The following SLC25A31 variants were observed in gnomAD, a reference collection of about 807,000 sequenced individuals.
SLC25A31 encodes the protein ADP/ATP translocase 4.
In SLC25A31, 40 loss-of-function variants were observed where a neutral mutation model predicts 36.2. The ratio of observed to expected loss-of-function variants is 1.10; its 90% CI spans 0.86 to 1.44. SLC25A31 has a LOEUF of 1.44. SLC25A31 is among the 40% of genes most tolerant of loss of function. SLC25A31 has a pLI of 0.00. For synonymous variants in SLC25A31, 143 were observed against 149.7 expected, an observed-to-expected ratio of 0.96 and a Z score of 0.32; for missense variants, 350 against 397.1, an observed-to-expected ratio of 0.88 and a Z score of 1.01.
chr4:127,737,768 A>G (rs1202513400), intron 1 of SLC25A31, among the ~76,000 whole-genome samples: 3 of 152,052 alleles, frequency 2.0e-5, no homozygotes, highest in African/African-American at 2.4e-5. Context: ...TGTGTTACCC[A>G]GGCTGGTCTC....
chr4:127,730,590 T>G lies in SLC25A31; in HGVS notation c.45T>G (p.Phe15Leu), dbSNP rs140983629. ...AAAAGAAGGCAGAAAAGCGGCTGTT[T>G]GACGCCTCATCCTTCGGGAAGGACC... ...PAKKKAEKRL[F>L]DASSFGKDLL... is the part of the protein sequence containing the mutation. The change falls in exon 1 of 6, where the codon TTT (phenylalanine) becomes TTG (leucine). Residue 15 changes from phenylalanine (F) to leucine (L), a missense_variant. Physicochemically the swap from Phe to Leu is conservative, Grantham distance 22 (BLOSUM62 0). Transcript: ENST00000281154. 11 of 1,613,954 alleles carry G rather than the reference T, an allele frequency of 6.8e-6. No individual in the cohort carries two copies. In the African/African-American group the frequency reaches 1.3e-4, roughly 20 times the overall value.
rs1440340479 is a variant in SLC25A31 at position 127,735,873 on chromosome 4, T to TTATTA, written c.232+5097_232+5098insATTAT. Among the ~76,000 whole-genome samples, 29 of 73,772 alleles carry TTATTA rather than the reference T, an allele frequency of 3.9e-4. 1 individual carries two copies. The East Asian group carries it at 7.2e-3, about 18-fold the overall frequency. The allele number at this position is 73,772 out of a possible 152,430, so 48.4% of individuals were successfully genotyped here. ...ACATGCCTAACATTCTTTTATTTTATTTATTTATTTATTTATTTATTTATT... is the reference window on the plus strand; with the variant it reads ...ACATGCCTAACATTCTTTTATTTTATTATTATTATTTATTTATTTATTTATTTATT... On this transcript the variant is annotated intron_variant, in intron 1 of 5. Coordinates refer to ENST00000281154, the MANE Select transcript of SLC25A31 (RefSeq NM_031291.4).
intron 1 of SLC25A31, among the ~76,000 whole-genome samples, chr4:127,736,916 T>A (rs1329778075): frequency 6.6e-6 from 1 of 152,234 alleles, no homozygotes; most frequent in Non-Finnish European, 1.5e-5. Flanking sequence ...TTGTAATCTA[T>A]CCAAGGGAAC....
At chr4:127,732,708 A>G (rs1393574123) in intron 1 of SLC25A31, among the ~76,000 whole-genome samples, 1 of 152,224 alleles carries the variant, frequency 6.6e-6, no homozygotes, top group Non-Finnish European at 1.5e-5. Context: ...TTAAGTTCCA[A>G]GATGAGAGGA....
In SLC25A31 at chr4:127,745,217, A is replaced by T. The variant is rs144709538; in HGVS notation, c.360+418A>T. ...CTTCTTTGAGAATAAAGATATATTT[A>T]GCTGAGATTAAAGTGTATAGGAAGT... On this transcript the variant is annotated intron_variant, in intron 2 of 5. Transcript: ENST00000281154. Among the ~76,000 whole-genome samples the T allele has an allele frequency of 1.1e-3, 173 of 152,262 alleles. No homozygotes were observed. In the East Asian group the frequency reaches 0.031, roughly 28 times the overall value.
intron 2 of SLC25A31, among the ~76,000 whole-genome samples, chr4:127,748,892 CA>C (rs1731871070): frequency 6.6e-6 from 1 of 152,056 alleles, no homozygotes; most frequent in Non-Finnish European, 1.5e-5. Flanking sequence ...AGGGCATCAC[CA>C]AAGGAAACTA....
intron 1 of SLC25A31, among the ~76,000 whole-genome samples, chr4:127,733,187 CAGA>C (rs1158471971): frequency 6.6e-6 from 1 of 152,150 alleles, no homozygotes; most frequent in Non-Finnish European, 1.5e-5. Flanking sequence ...TTCTTCTGTT[CAGA>C]AGTTTACTAA....
chr4:127,747,876 G>A lies in SLC25A31; in HGVS notation c.360+3077G>A, dbSNP rs145330192. Among the ~76,000 whole-genome samples the A allele has an allele frequency of 3.5e-3, 526 of 152,248 alleles. 3 individuals carry two copies. Among genetic ancestry groups the A allele is most frequent in the African/African-American group, 0.012 (489 of 41,544 alleles). Reference sequence around the variant, plus strand: ...TTATACTGTGGTTTATTAAAGCAAAGGTACTCCAATTAAAATCAAAGGAAA... The same window carrying A: ...TTATACTGTGGTTTATTAAAGCAAAAGTACTCCAATTAAAATCAAAGGAAA... On this transcript the variant is annotated intron_variant, in intron 2 of 5. Coordinates refer to ENST00000281154, the MANE Select transcript of SLC25A31 (RefSeq NM_031291.4).
chr4:127,730,575 A>C lies in SLC25A31; in HGVS notation c.30A>C (p.Ala10=). 2 of 1,614,026 alleles carry C rather than the reference A, an allele frequency of 1.2e-6. No individual in the cohort carries two copies. The highest frequency in any genetic ancestry group is 1.7e-6 in the Non-Finnish European group (2 of 1,179,858). The part of the protein sequence containing the change: MHREPAKKK[A]EKRLFDASSF... ...ATCGTGAGCCTGCGAAAAAGAAGGC[A>C]GAAAAGCGGCTGTTTGACGCCTCAT... The change falls in exon 1 of 6, where the codon GCA becomes GCC. Residue 10 remains alanine, a synonymous_variant. Coordinates refer to ENST00000281154, the MANE Select transcript of SLC25A31 (RefSeq NM_031291.4).
At chr4:127,757,792 A>T (rs2148761071) in intron 2 of SLC25A31, among the ~76,000 whole-genome samples, 1 of 152,186 alleles carries the variant, frequency 6.6e-6, no homozygotes, top group African/African-American at 2.4e-5. Flanking sequence ...GACATATATC[A>T]TTTTATGACC....
At chr4:127,739,207 A>C (rs1258741553) in intron 1 of SLC25A31, among the ~76,000 whole-genome samples, 1 of 152,106 alleles carries the variant, frequency 6.6e-6, no homozygotes, top group Non-Finnish European at 1.5e-5. Flanking sequence ...GGCTATGTTA[A>C]CAGTGTTTTT....
intron 1 of SLC25A31, among the ~76,000 whole-genome samples, chr4:127,731,177 C>T (rs909432212): frequency 1.3e-5 from 2 of 152,120 alleles, no homozygotes; most frequent in African/African-American, 4.8e-5. Flanking sequence ...CCACTATGCT[C>T]CAGCATGGGC....
At chr4:127,755,363 T>C (rs1011632229) in intron 2 of SLC25A31, among the ~76,000 whole-genome samples, 3 of 152,144 alleles carry the variant, frequency 2.0e-5, no homozygotes. Flanking sequence ...AGAATATGTT[T>C]GCAAACAAAA....
At chr4:127,771,181 T>G (rs1264881315) in intron 5 of SLC25A31, among the ~76,000 whole-genome samples, 1 of 152,034 alleles carries the variant, frequency 6.6e-6, no homozygotes, top group Non-Finnish European at 1.5e-5. Context: ...GGTCTCGAAC[T>G]CCTGAGCTCA....
chr4:127,766,098 C>G (rs1732235397), intron 3 of SLC25A31, among the ~76,000 whole-genome samples: 1 of 151,538 alleles, frequency 6.6e-6, no homozygotes, highest in African/African-American at 2.4e-5. Context: ...ACTATCCTTA[C>G]TAGTTTTTAG....
chr4:127,736,590 C>T (rs1173068552), intron 1 of SLC25A31, among the ~76,000 whole-genome samples: 1 of 152,164 alleles, frequency 6.6e-6, no homozygotes, highest in Admixed American at 6.5e-5. Flanking sequence ...GACCTCGAGT[C>T]GAATGGACCT....
At chr4:127,748,622 G>A (rs1731865934) in intron 2 of SLC25A31, among the ~76,000 whole-genome samples, 1 of 152,160 alleles carries the variant, frequency 6.6e-6, no homozygotes, top group East Asian at 1.9e-4. Flanking sequence ...CCAGAATCTA[G>A]ATAGGATATG....
intron 3 of SLC25A31, among the ~76,000 whole-genome samples, chr4:127,765,634 C>T (rs1440823198): frequency 6.6e-6 from 1 of 152,072 alleles, no homozygotes; most frequent in Non-Finnish European, 1.5e-5. Flanking sequence ...AGACATAGAG[C>T]TCATGCCTCA....
chr4:127,730,425 C>G lies in SLC25A31; in HGVS notation c.-121C>G, dbSNP rs951797416. The stretch of plus-strand genomic sequence containing the variant: ...GCCGGCGCGCGGCTCTCTCAGCGTC[C>G]CAAGAGCCACTTTCTCGCCAGTACG... On this transcript the variant is annotated 5_prime_UTR_variant, in exon 1 of 6. Transcript: ENST00000281154. 8.9e-7 allele frequency: 1 copy of G among 1,117,450 alleles called. No homozygotes were observed. The highest frequency in any genetic ancestry group is 2.6e-5 in the East Asian group (1 of 38,704). 69.2% of individuals were successfully genotyped at this position (1,117,450 alleles called of 1,614,324 possible).
Sources: allele counts gnomAD v4.1 joint callset (sites outside exome capture counted in the v4.1 genomes callset), GRCh38; gene constraint gnomAD v4.1.1; transcripts MANE v1.5; gene names NCBI Gene and HGNC (gene_info 2026-07-23, HGNC 2026-07-21).